ITGA9: variants seen among roughly 807,000 people sequenced by gnomAD.
ITGA9 encodes integrin alpha-9.
Under a neutral mutation model 127.8 loss-of-function variants are expected in ITGA9, and 56 were observed. The ratio of observed to expected loss-of-function variants is 0.44; its 90% confidence interval spans 0.35 to 0.55. ITGA9 has a LOEUF of 0.55. Among genes scored for constraint, ITGA9 ranks in the 20% least tolerant of loss-of-function variants. The pLI is 0.00. For synonymous variants in ITGA9, 508 were observed against 514.5 expected (o/e 0.99, Z 0.17); for missense variants, 1,196 against 1,347.1 (o/e 0.89, Z 1.76).
chr3:37,705,681 A>G (rs914500291), intron 18 of ITGA9, among the ~76,000 whole-genome samples: 1 of 152,090 alleles, frequency 6.6e-6, no homozygotes, highest in Non-Finnish European at 1.5e-5. Context: ...AGTGTACAAT[A>G]TTAGTTTTGG....
At chr3:37,758,559 A>G (rs1470706167) in intron 23 of ITGA9, among the ~76,000 whole-genome samples, 2 of 151,460 alleles carry the variant, frequency 1.3e-5, no homozygotes, top group Non-Finnish European at 2.9e-5. Flanking sequence ...TTCAACATTT[A>G]TTTATGATAT....
At chr3:37,531,221 T>C (rs1699149009) in intron 13 of ITGA9, among the ~76,000 whole-genome samples, 1 of 152,144 alleles carries the variant, frequency 6.6e-6, no homozygotes, top group African/African-American at 2.4e-5. Flanking sequence ...GGAAGTTTGC[T>C]TCCCTCAGAT....
chr3:37,815,335 G>A (rs1207735272), intron 27 of ITGA9, among the ~76,000 whole-genome samples: 8 of 152,184 alleles, frequency 5.3e-5, no homozygotes, highest in East Asian at 3.8e-4. Context: ...CAGGCCGGGC[G>A]CGGTGGCTCA....
chr3:37,587,419 T>A (rs1017603766), intron 15 of ITGA9, among the ~76,000 whole-genome samples: 2 of 152,366 alleles, frequency 1.3e-5, no homozygotes, highest in South Asian at 2.1e-4. Flanking sequence ...AAGGGAGTTT[T>A]ATGCCATGGT....
In ITGA9 at chr3:37,682,186, C is replaced by T. The variant is rs116275942; in HGVS notation, c.1917-1679C>T. On this transcript the variant is annotated intron_variant, in intron 17 of 27. Transcript: ENST00000264741. The stretch of plus-strand genomic sequence containing the variant: ...TTCTCTGTTCTCCTTTAGAGAAAAA[C>T]TCCTCCAAATAGTTGTCTGTCCTCA... 3.3e-3 allele frequency among the ~76,000 whole-genome samples: 496 copies of T among 152,338 alleles called. 3 individuals are homozygous for T. The highest frequency in any genetic ancestry group is 6.0e-3 in the South Asian group (29 of 4,826).
At chr3:37,533,932 G>C (rs145383681) in intron 14 of ITGA9, among the ~76,000 whole-genome samples, 37 of 152,182 alleles carry the variant, frequency 2.4e-4, no homozygotes, top group African/African-American at 8.0e-4. Context: ...GGTGGGATTC[G>C]GATGCTGGTG....
At chr3:37,638,549 G>A (rs1249953875) in intron 16 of ITGA9, among the ~76,000 whole-genome samples, 1 of 151,998 alleles carries the variant, frequency 6.6e-6, no homozygotes, top group Non-Finnish European at 1.5e-5. Context: ...AAGCAGAGCT[G>A]ATCTTTAACC....
intron 15 of ITGA9, among the ~76,000 whole-genome samples, chr3:37,563,449 C>G (rs776219839): frequency 6.6e-6 from 1 of 151,878 alleles, no homozygotes; most frequent in South Asian, 2.1e-4. Flanking sequence ...AGATTTGGTT[C>G]GGCTGGCACT....
intron 23 of ITGA9, among the ~76,000 whole-genome samples, chr3:37,771,085 G>T (rs747780704): frequency 5.3e-5 from 8 of 152,160 alleles, no homozygotes; most frequent in Non-Finnish European, 7.3e-5. Flanking sequence ...GCTCCCAGAG[G>T]CCCTGAGAGA....
intron 23 of ITGA9, among the ~76,000 whole-genome samples, chr3:37,760,776 A>G (rs1410279941): frequency 6.6e-6 from 1 of 152,226 alleles, no homozygotes; most frequent in Non-Finnish European, 1.5e-5. Context: ...AGCAAGCCAT[A>G]AAATCCTGAA....
chr3:37,658,306 T>C (rs773205439), intron 17 of ITGA9, among the ~76,000 whole-genome samples: 3 of 152,182 alleles, frequency 2.0e-5, no homozygotes, highest in Non-Finnish European at 4.4e-5. Flanking sequence ...CCCACTATTA[T>C]TGTGTGGGAG....
chr3:37,649,712 A>G (rs1025924753), intron 16 of ITGA9, among the ~76,000 whole-genome samples: 12 of 152,236 alleles, frequency 7.9e-5, no homozygotes, highest in Non-Finnish European at 2.9e-5. Flanking sequence ...CTGTGTAACA[A>G]ATGGACCTAG....
rs548180618 is a variant in ITGA9 at position 37,601,121 on chromosome 3, G to C, written c.1690-28066G>C. On this transcript the variant is annotated intron_variant, in intron 15 of 27. Transcript: ENST00000264741. The stretch of plus-strand genomic sequence containing the variant: ...CCCAGTCCTTTAAAGACCCACCAGC[G>C]ACTTTGTGAGATTCTAGACTCCTTT... 5.3e-5 allele frequency among the ~76,000 whole-genome samples: 8 copies of C among 152,280 alleles called. No individual in the cohort carries two copies. The South Asian group carries it at 1.7e-3, about 32-fold the overall frequency.
chr3:37,639,431 T>C (rs1196053012), intron 16 of ITGA9, among the ~76,000 whole-genome samples: 4 of 152,130 alleles, frequency 2.6e-5, no homozygotes, highest in Non-Finnish European at 5.9e-5. Flanking sequence ...AAAAGGAGAA[T>C]TGGCCAGAGC....
intron 1 of ITGA9, among the ~76,000 whole-genome samples, chr3:37,464,983 C>CA (rs5847993): frequency 0.075 from 11,478 of 152,320 alleles, 510 homozygotes; most frequent in Admixed American, 0.12. Context: ...GTGGTGGACA[C>CA]ACAGTGAAGA....
At chr3:37,756,038 C>A (rs1696648801) in intron 23 of ITGA9, among the ~76,000 whole-genome samples, 2 of 150,944 alleles carry the variant, frequency 1.3e-5, no homozygotes, top group African/African-American at 4.9e-5. Flanking sequence ...TTTCAATAAT[C>A]AAAATAATAA....
At chr3:37,458,646 C>T (rs1698285022) in intron 1 of ITGA9, among the ~76,000 whole-genome samples, 1 of 152,226 alleles carries the variant, frequency 6.6e-6, no homozygotes, top group African/African-American at 2.4e-5. Context: ...TGCCCTGGAG[C>T]CTGCCACGCG....
intron 18 of ITGA9, among the ~76,000 whole-genome samples, chr3:37,730,417 G>A (rs889781900): frequency 6.6e-6 from 1 of 152,092 alleles, no homozygotes; most frequent in African/African-American, 2.4e-5. Context: ...GGCCATCTAT[G>A]GTGAATCATT....
At chr3:37,702,914 A>G (rs949670169) in intron 18 of ITGA9, among the ~76,000 whole-genome samples, 1 of 151,918 alleles carries the variant, frequency 6.6e-6, no homozygotes, top group Non-Finnish European at 1.5e-5. Context: ...AGACCCAGAA[A>G]CCCAAAGGTG....
Sources: allele counts gnomAD v4.1 joint callset (sites outside exome capture counted in the v4.1 genomes callset), GRCh38; gene constraint gnomAD v4.1.1; transcripts MANE v1.5; gene names NCBI Gene and HGNC (gene_info 2026-07-23, HGNC 2026-07-21).